The following TRIP10 variants were observed in gnomAD, a reference collection of about 807,000 sequenced individuals.
The protein encoded by TRIP10 is cdc42-interacting protein 4.
Under a neutral mutation model 80.9 loss-of-function variants are expected in TRIP10, and 54 were observed. The observed-to-expected ratio is 0.67, with a 90% CI of 0.54 to 0.84. The LOEUF (loss-of-function observed/expected upper bound fraction) is 0.84, where lower values mean the gene tolerates loss of function less well. Among genes scored for constraint, TRIP10 ranks in the 40% least tolerant of loss-of-function variants. The pLI, the probability that TRIP10 is intolerant of heterozygous loss-of-function variation, is 0.00. For missense variants in TRIP10, 773 were observed against 815.3 expected, an observed-to-expected ratio of 0.95 and a Z score of 0.63; for synonymous variants, 321 against 307.2, an observed-to-expected ratio of 1.04 and a Z score of -0.47.
chr19:6,743,293 G>C, intron 5 of TRIP10, 37 bp downstream of exon 5: 1 of 1,610,538 alleles, frequency 6.2e-7, no homozygotes, highest in South Asian at 1.1e-5. Context: ...GTGGCCCGGA[G>C]GCATGGGGGC....
chr19:6,746,090 C>T lies in TRIP10; in HGVS notation c.1046C>T (p.Pro349Leu), dbSNP rs753477177. 19 of 1,540,618 alleles carry T rather than the reference C, an allele frequency of 1.2e-5. No homozygotes were observed. In the South Asian group the frequency reaches 2.2e-4, roughly 18 times the overall value. Residue 349 changes from proline (P) to leucine (L), a missense_variant, in exon 10 of 15, where the codon CCC (proline) becomes CTC (leucine). Transcript: ENST00000313244. This position sits in a 1 kb window ranked among gnomAD's most constrained non-coding sequence, Gnocchi z 6.2. ...GPVPSALPNG[P>L]PSPRSGRDPL... Reference sequence around the variant, plus strand: ...GTACCCTCGGCATTGCCTAACGGACCCCCGTCCCCCCGCTCCGGCCGTGAC... The same window carrying T: ...GTACCCTCGGCATTGCCTAACGGACTCCCGTCCCCCCGCTCCGGCCGTGAC...
At chr19:6,742,479 C>CA (rs1350282517) in intron 3 of TRIP10, among the ~76,000 whole-genome samples, 1 of 151,892 alleles carries the variant, frequency 6.6e-6, no homozygotes, top group Non-Finnish European at 1.5e-5. Flanking sequence ...CTTTGTACAC[C>CA]ATCTTTAAAA....
Position 6,750,415 on chromosome 19 carries a change from C to G in TRIP10, c.1519C>G (p.Gln507Glu), listed in dbSNP as rs1359522750. ...PPDSSSNSAS[Q>E]DTKESSEEPP... ...AGACAGCAGCAGCAACAGCGCATCACAGGACACCAAGGAGAGGTGAGGGGT... is the reference window on the plus strand; with the variant it reads ...AGACAGCAGCAGCAACAGCGCATCAGAGGACACCAAGGAGAGGTGAGGGGT... The change falls in exon 13 of 15, where the codon CAG becomes GAG. Residue 507 changes from glutamine to glutamate, a missense_variant. By Grantham distance (29) the Gln-to-Glu change is conservative (BLOSUM62 2). Coordinates refer to ENST00000313244, the MANE Select transcript of TRIP10 (RefSeq NM_001288962.2). 6.2e-7 allele frequency: 1 copy of G among 1,614,032 alleles called. No homozygotes were observed. Among genetic ancestry groups the G allele is most frequent in the Admixed American group, 1.7e-5 (1 of 60,002 alleles).
rs1021452752 is a variant in TRIP10, at chr19:6,743,364, C to G, written c.408+108C>G. The G allele has an allele frequency of 5.9e-6, 9 of 1,526,596 alleles. No homozygotes were observed. In the East Asian group the frequency reaches 1.4e-4, roughly 24 times the overall value. 94.6% of individuals were successfully genotyped at this position (1,526,596 alleles called of 1,614,324 possible). A position where few individuals can be genotyped will look rare whatever the true frequency, so the allele number is the denominator to read the frequency against. On this transcript the variant is annotated intron_variant, in intron 5 of 14. Transcript: ENST00000313244. ...TTGTCAGACCTGGACCTTCCCTCCC[C>G]CATAGGCTTCCAGTACTCCCTTGAC...
At position 6,743,320 on chromosome 19, in the gene TRIP10, A is replaced by C. The variant is rs145420831; in HGVS notation, c.408+64A>C. ...CATGGGGGCAGGGTTGCGGATCCGGAGTCAGGGAGCTGCCCTCTTTGTCAG... is the reference window on the plus strand; with the variant it reads ...CATGGGGGCAGGGTTGCGGATCCGGCGTCAGGGAGCTGCCCTCTTTGTCAG... On this transcript the variant is annotated intron_variant, in intron 5 of 14. Transcript: ENST00000313244. 6.0e-5 allele frequency: 95 copies of C among 1,595,838 alleles called. 1 individual carries two copies. The East Asian group carries it at 1.9e-3, about 32-fold the overall frequency.
At chr19:6,749,087 CT>C (rs1203658981) in intron 11 of TRIP10, among the ~76,000 whole-genome samples, 1 of 152,000 alleles carries the variant, frequency 6.6e-6, no homozygotes, top group Admixed American at 6.6e-5. Context: ...GCCCCCCCTT[CT>C]TTTTTTATTT....
chr19:6,741,371 C>T (rs1289439881), intron 3 of TRIP10, 90 bp downstream of exon 3: 1 of 1,434,330 alleles, frequency 7.0e-7, no homozygotes, highest in African/African-American at 1.4e-5. Context: ...GACACCCCAC[C>T]GCTCCTCTCA....
Position 6,741,249 on chromosome 19 carries a change from C to T in TRIP10, c.165C>T (p.Pro55=). The change falls in exon 3 of 15, where the codon CCC becomes CCT. Residue 55 remains proline (P), a synonymous_variant. Coordinates refer to ENST00000313244, the MANE Select transcript of TRIP10 (RefSeq NM_001288962.2). ...QLRSLVKKYL[P]KRPAKDDPES... is the part of the protein sequence containing the mutation. ...GGAGCCTGGTGAAAAAATATCTGCC[C>T]AAGAGACCTGCCAAGGATGATCCTG... 6.2e-7 allele frequency: 1 copy of T among 1,611,604 alleles called. No homozygotes were observed. Among genetic ancestry groups the T allele is most frequent in the East Asian group, 2.2e-5 (1 of 44,836 alleles).
At position 6,743,245 on chromosome 19, in the gene TRIP10, CA is replaced by C; in HGVS notation, c.398del (p.Gln133ArgfsTer26). 1 of 1,613,762 alleles carries C rather than the reference CA, an allele frequency of 6.2e-7. No individual in the cohort carries two copies. ...GCAGCAGCTGGAAAATGGCTTTAAA[CA>C]GCTGGAGAATGTGAGTTTGCAGAGG... is the stretch of plus-strand genomic sequence containing the variant. Reference protein sequence around the residue: ...AQQQLENGFKQLENSKRKFER... With the variant: ...AQQQLENGFKXLENSKRKFER... On this transcript the variant is annotated frameshift_variant, in exon 5 of 15. Coordinates refer to ENST00000313244, the MANE Select transcript of TRIP10 (RefSeq NM_001288962.2). LOFTEE classifies it high-confidence loss of function.
chr19:6,743,289 C>T (rs748275439), intron 5 of TRIP10, 33 bp downstream of exon 5: 16 of 1,610,970 alleles, frequency 9.9e-6, no homozygotes, highest in South Asian at 6.6e-5. Context: ...GACTGTGGCC[C>T]GGAGGCATGG....
At position 6,743,645 on chromosome 19, in the gene TRIP10, T is replaced by C. The variant is rs531939143; in HGVS notation, c.513+47T>C. The C allele has an allele frequency of 1.1e-5, 17 of 1,611,116 alleles. No homozygotes were observed. The East Asian group carries it at 1.3e-4, about 13-fold the overall frequency. The stretch of plus-strand genomic sequence containing the variant: ...GGGGGGTGCGGGGTCTGGGACAAGC[T>C]TGGGGAGTCCGAGTGGGACGTGATC... On this transcript the variant is annotated intron_variant, in intron 6 of 14. Coordinates refer to ENST00000313244, the MANE Select transcript of TRIP10 (RefSeq NM_001288962.2).
chr19:6,742,174 G>C (rs2145533096), intron 3 of TRIP10, among the ~76,000 whole-genome samples: 1 of 151,732 alleles, frequency 6.6e-6, no homozygotes, highest in East Asian at 2.0e-4. Flanking sequence ...TGGATCACTT[G>C]AGGTCAGGAG....
intron 12 of TRIP10, 31 bp from the exon 13 acceptor site, chr19:6,750,261 C>G (rs777137363): frequency 6.2e-7 from 1 of 1,612,546 alleles, no homozygotes; most frequent in Non-Finnish European, 8.5e-7. Context: ...GAGCTCTGCC[C>G]TGGAACGATT....
At chr19:6,743,625 G>GGGGGGT in intron 6 of TRIP10, 27 bp downstream of exon 6, 4 of 1,295,428 alleles carry the variant, frequency 3.1e-6, no homozygotes, top group South Asian at 2.4e-5. Flanking sequence ...CGGGGGGGGG[G>GGGGGGT]TGCGGGGTCT....
At chr19:6,741,387 C>G (rs1968915419) in intron 3 of TRIP10, 106 bp downstream of exon 3, 2 of 1,307,172 alleles carry the variant, frequency 1.5e-6, no homozygotes, top group Non-Finnish European at 2.2e-6. Flanking sequence ...TCTCACTTCC[C>G]CTTCTAGAGG....
In TRIP10 at chr19:6,746,057, G is replaced by T. The variant is rs1250947878; in HGVS notation, c.1013G>T (p.Gly338Val). The T allele has an allele frequency of 1.4e-6, 2 of 1,402,350 alleles. No homozygotes were observed. Among genetic ancestry groups the T allele is most frequent in the African/African-American group, 3.1e-5 (2 of 63,792 alleles). The allele number at this position is 1,402,350 out of a possible 1,614,324, so 86.9% of individuals were successfully genotyped here. A position where few individuals can be genotyped will look rare whatever the true frequency, so the allele number is the denominator to read the frequency against. Reference protein sequence around the residue: ...KPRPPPLSPLGGPVPSALPNG... With the variant: ...KPRPPPLSPLVGPVPSALPNG... ...CGCCCCCCACCCCTCTCCCCCCTGG[G>T]GGGCCCCGTACCCTCGGCATTGCCT... The change falls in exon 10 of 15, where the codon GGG (glycine) becomes GTG (valine). Residue 338 changes from glycine to valine, a missense_variant. Coordinates refer to ENST00000313244, the MANE Select transcript of TRIP10 (RefSeq NM_001288962.2). This position sits in a 1 kb window ranked among gnomAD's most constrained non-coding sequence, Gnocchi z 6.2.
chr19:6,748,370 G>T (rs1166290820), intron 11 of TRIP10: 1 of 152,172 alleles, frequency 6.6e-6, no homozygotes. Flanking sequence ...CGGTGGAGGG[G>T]TTAAGGGTGC....
chr19:6,743,266 C>G lies in TRIP10; in HGVS notation c.408+10C>G. The G allele has an allele frequency of 6.2e-7, 1 of 1,613,004 alleles. No individual in the cohort carries two copies. Among genetic ancestry groups the G allele is most frequent in the Non-Finnish European group, 8.5e-7 (1 of 1,179,858 alleles). Reference sequence around the variant, plus strand: ...TAAACAGCTGGAGAATGTGAGTTTGCAGAGGTAGCAGTGACTGTGGCCCGG... The same window carrying G: ...TAAACAGCTGGAGAATGTGAGTTTGGAGAGGTAGCAGTGACTGTGGCCCGG... On this transcript the variant is annotated intron_variant, in intron 5 of 14. Coordinates refer to ENST00000313244, the MANE Select transcript of TRIP10 (RefSeq NM_001288962.2).
intron 12 of TRIP10, 25 bp from the exon 13 acceptor site, chr19:6,750,267 C>G (rs762240589): frequency 6.2e-7 from 1 of 1,612,874 alleles, no homozygotes; most frequent in South Asian, 1.1e-5. Flanking sequence ...TGCCCTGGAA[C>G]GATTTTCCTG....
Sources: allele counts gnomAD v4.1 joint callset (sites outside exome capture counted in the v4.1 genomes callset), GRCh38; gene constraint gnomAD v4.1.1; non-coding constraint Gnocchi (gnomAD v3.1); transcripts MANE v1.5; gene names NCBI Gene and HGNC (gene_info 2026-07-23, HGNC 2026-07-21).